The following TBC1D22A variants were observed in gnomAD, a reference collection of about 807,000 sequenced individuals.
The protein encoded by TBC1D22A is putative GTPase activator.
In TBC1D22A, 38 loss-of-function variants were observed where a neutral mutation model predicts 60.2. The ratio of observed to expected loss-of-function variants is 0.63; its 90% CI spans 0.49 to 0.83. The LOEUF (loss-of-function observed/expected upper bound fraction) is 0.83. TBC1D22A is among the 40% of genes least tolerant of loss of function. The pLI is 0.00. For missense variants in TBC1D22A, 628 were observed against 701.0 expected (o/e 0.90, Z 1.18); for synonymous variants, 302 against 281.7 (o/e 1.07, Z -0.72).
At chr22:46,767,323 C>T (rs4393841) in intron 1 of TBC1D22A, among the ~76,000 whole-genome samples, 3,413 of 152,220 alleles carry the variant, frequency 0.022, 117 homozygotes, top group African/African-American at 0.077. Flanking sequence ...TAGCACAAAG[C>T]GGTTGAGTTT....
At chr22:47,075,861 A>G (rs2147531906) in intron 11 of TBC1D22A, among the ~76,000 whole-genome samples, 2 of 152,268 alleles carry the variant, frequency 1.3e-5, no homozygotes, top group South Asian at 4.1e-4. Flanking sequence ...AAAGAAATAC[A>G]ATAGGAAAAT....
chr22:47,162,245 C>A lies in TBC1D22A; in HGVS notation c.1426-11253C>A, dbSNP rs113917852. Among the ~76,000 whole-genome samples, 553 of 146,508 alleles carry A rather than the reference C, an allele frequency of 3.8e-3. 5 individuals are homozygous for A. Among genetic ancestry groups the A allele is most frequent in the African/African-American group, 0.012 (493 of 39,574 alleles). ...GGTTTTGTGTATTGAACTTACCGGT[C>A]TTGTATTCCTCCTGGACTGGGAGTC... On this transcript the variant is annotated intron_variant, in intron 12 of 12. Coordinates refer to ENST00000337137, the MANE Select transcript of TBC1D22A (RefSeq NM_014346.5).
At chr22:46,958,497 C>T (rs932206092) in intron 8 of TBC1D22A, among the ~76,000 whole-genome samples, 16 of 152,196 alleles carry the variant, frequency 1.1e-4, no homozygotes, top group Admixed American at 2.0e-4. Context: ...TCCGTCTCAC[C>T]GTTGGAGAGC....
At chr22:46,783,832 CAA>C (rs1555889253) in intron 1 of TBC1D22A, among the ~76,000 whole-genome samples, 1 of 152,126 alleles carries the variant, frequency 6.6e-6, no homozygotes, top group African/African-American at 2.4e-5. Flanking sequence ...AGGTTTATCT[CAA>C]AAAAATTTTT....
intron 4 of TBC1D22A, among the ~76,000 whole-genome samples, chr22:46,797,940 T>C (rs144174285): frequency 9.2e-5 from 14 of 152,310 alleles, no homozygotes; most frequent in African/African-American, 3.4e-4. Flanking sequence ...GGTGTGATCA[T>C]AGCTCACTGC....
chr22:47,150,370 C>A (rs574295220), intron 12 of TBC1D22A, among the ~76,000 whole-genome samples: 1 of 152,122 alleles, frequency 6.6e-6, no homozygotes, highest in Non-Finnish European at 1.5e-5. Context: ...TGAGGCCCCC[C>A]GAGTTCATCT....
At chr22:47,086,698 T>C (rs1027450301) in intron 11 of TBC1D22A, among the ~76,000 whole-genome samples, 1 of 152,150 alleles carries the variant, frequency 6.6e-6, no homozygotes, top group Non-Finnish European at 1.5e-5. Flanking sequence ...ATGGGGACTT[T>C]CCTCGTACGG....
At chr22:46,840,450 A>G (rs1361959249) in intron 4 of TBC1D22A, among the ~76,000 whole-genome samples, 1 of 152,204 alleles carries the variant, frequency 6.6e-6, no homozygotes, top group East Asian at 1.9e-4. Context: ...CAAAAAAACA[A>G]ATGAGGCTGG....
chr22:47,001,875 G>T, intron 10 of TBC1D22A, among the ~76,000 whole-genome samples: 1 of 152,146 alleles, frequency 6.6e-6, no homozygotes, highest in East Asian at 1.9e-4. Context: ...TTAGAATAGG[G>T]CATGTGTCCA....
At chr22:47,125,241 G>A (rs1233764651) in intron 12 of TBC1D22A, among the ~76,000 whole-genome samples, 1 of 152,204 alleles carries the variant, frequency 6.6e-6, no homozygotes, top group Non-Finnish European at 1.5e-5. Context: ...TTCAGGGAGG[G>A]CGACCGTCCC....
chr22:46,827,541 A>G (rs1053408504), intron 4 of TBC1D22A, among the ~76,000 whole-genome samples: 5 of 152,116 alleles, frequency 3.3e-5, no homozygotes, highest in African/African-American at 1.2e-4. Flanking sequence ...GTATTTTATA[A>G]GTCGTAGTCT....
intron 11 of TBC1D22A, among the ~76,000 whole-genome samples, chr22:47,088,907 T>C (rs941221012): frequency 6.6e-6 from 1 of 152,112 alleles, no homozygotes; most frequent in Non-Finnish European, 1.5e-5. Context: ...ACAGATCCCA[T>C]CTGCATAGGA....
At chr22:47,018,442 C>G (rs1488357950) in intron 10 of TBC1D22A, among the ~76,000 whole-genome samples, 1 of 152,204 alleles carries the variant, frequency 6.6e-6, no homozygotes, top group Non-Finnish European at 1.5e-5. Flanking sequence ...CAGACATTGG[C>G]TAGACTGCTT....
chr22:46,922,203 G>T (rs2070797024), intron 8 of TBC1D22A, among the ~76,000 whole-genome samples: 1 of 152,156 alleles, frequency 6.6e-6, no homozygotes, highest in Non-Finnish European at 1.5e-5. Flanking sequence ...GTAAATGTGT[G>T]GCTTTATTTC....
intron 8 of TBC1D22A, among the ~76,000 whole-genome samples, chr22:46,936,763 G>T (rs577183501): frequency 6.6e-6 from 1 of 152,324 alleles, no homozygotes; most frequent in South Asian, 2.1e-4. Flanking sequence ...TATTTACCAG[G>T]CTGGCAAGGA....
chr22:47,144,890 C>G (rs1470828982), intron 12 of TBC1D22A, among the ~76,000 whole-genome samples: 1 of 149,486 alleles, frequency 6.7e-6, no homozygotes, highest in Non-Finnish European at 1.5e-5. Flanking sequence ...GATCCTGGGA[C>G]TGGGTGCAGC....
chr22:47,073,058 A>ATCCC (rs1556086023), intron 11 of TBC1D22A, among the ~76,000 whole-genome samples: 1 of 152,216 alleles, frequency 6.6e-6, no homozygotes, highest in Non-Finnish European at 1.5e-5. Flanking sequence ...TAGATTTTCT[A>ATCCC]TCCCTCTCAA....
At chr22:47,025,803 A>G (rs1328587805) in intron 10 of TBC1D22A, among the ~76,000 whole-genome samples, 1 of 152,172 alleles carries the variant, frequency 6.6e-6, no homozygotes, top group Non-Finnish European at 1.5e-5. Flanking sequence ...AGAGGGAATC[A>G]TATAGTACTG....
chr22:46,909,238 T>C (rs1182553000), intron 7 of TBC1D22A, among the ~76,000 whole-genome samples: 1 of 152,000 alleles, frequency 6.6e-6, no homozygotes, highest in Non-Finnish European at 1.5e-5. Flanking sequence ...CCTCTGAAAG[T>C]GAGGGGCCTT....
Sources: allele counts gnomAD v4.1 joint callset (sites outside exome capture counted in the v4.1 genomes callset), GRCh38; gene constraint gnomAD v4.1.1; transcripts MANE v1.5; gene names NCBI Gene and HGNC (gene_info 2026-07-23, HGNC 2026-07-21).